Variants in USP4 observed in about 807,000 individuals in gnomAD.
The protein encoded by USP4 is ubiquitin specific peptidase 4.
A neutral mutation model predicts 118.2 loss-of-function variants in USP4; 72 were observed. That is an observed-to-expected ratio of 0.61 (90% CI 0.50 to 0.74). USP4 has a LOEUF of 0.74. Among genes scored for constraint, USP4 ranks in the 30% least tolerant of loss-of-function variants. The pLI is 0.00. For synonymous variants in USP4, 415 were observed against 440.4 expected (o/e 0.94, Z 0.72); for missense variants, 1,037 against 1,185.7 (o/e 0.87, Z 1.84).
rs1282341284 is a variant in USP4 at position 49,317,589 on chromosome 3, T to C, written c.696-5935A>G. 7 of 597,758 alleles carry C rather than the reference T, an allele frequency of 1.2e-5. No individual in the cohort carries two copies. In the East Asian group the frequency reaches 2.0e-4, roughly 17 times the overall value. 37.0% of individuals were successfully genotyped at this position (597,758 alleles called of 1,614,324 possible). A position where few individuals can be genotyped will look rare whatever the true frequency, so the allele number is the denominator to read the frequency against. ...AACAGTCTTACTCTGTTGCCCAGCCTGGAGTGCAGTGGCGTGATATCGGCT... is the reference window on the plus strand; with the variant it reads ...AACAGTCTTACTCTGTTGCCCAGCCCGGAGTGCAGTGGCGTGATATCGGCT... On this transcript the variant is annotated intron_variant, in intron 6 of 21. Coordinates refer to ENST00000265560, the MANE Select transcript of USP4 (RefSeq NM_003363.4).
chr3:49,319,443 G>A lies in USP4; in HGVS notation c.695+5259C>T, dbSNP rs182303491. Among the ~76,000 whole-genome samples the A allele has an allele frequency of 2.7e-3, 415 of 151,974 alleles. 3 individuals are homozygous for A. The highest frequency in any genetic ancestry group is 9.3e-3 in the African/African-American group (385 of 41,470). ...TTTTTGTATTTTTAGTAGAGACGGGGTTTCACCATATTGGCCCAGGATGGT... is the reference window on the plus strand; with the variant it reads ...TTTTTGTATTTTTAGTAGAGACGGGATTTCACCATATTGGCCCAGGATGGT... On this transcript the variant is annotated intron_variant, in intron 6 of 21. Transcript: ENST00000265560.
At chr3:49,333,796 G>C (rs2047643085) in intron 2 of USP4, among the ~76,000 whole-genome samples, 1 of 152,232 alleles carries the variant, frequency 6.6e-6, no homozygotes, top group South Asian at 2.1e-4. Context: ...CCAGCACTTT[G>C]GGAGGCTGAG....
At chr3:49,302,764 G>C (rs2047274597) in intron 9 of USP4, among the ~76,000 whole-genome samples, 1 of 152,112 alleles carries the variant, frequency 6.6e-6, no homozygotes, top group Non-Finnish European at 1.5e-5. Context: ...CCTGGAACCT[G>C]GGCCACTGCC....
chr3:49,283,243 A>T (rs113555041), intron 19 of USP4, among the ~76,000 whole-genome samples: 6,192 of 151,632 alleles, frequency 0.041, 414 homozygotes, highest in African/African-American at 0.14. Flanking sequence ...CTCGATCTCC[A>T]GACCTTGTGA....
chr3:49,316,896 C>T, intron 6 of USP4: 1 of 604,644 alleles, frequency 1.7e-6, no homozygotes, highest in Non-Finnish European at 2.9e-6. Context: ...TGTGTGAGCA[C>T]AAAGCCAGGA....
Position 49,278,381 on chromosome 3 carries a change from C to T in USP4, c.2804G>A (p.Ser935Asn), listed in dbSNP as rs1021997223. 1 of 1,614,022 alleles carries T rather than the reference C, an allele frequency of 6.2e-7. No individual in the cohort carries two copies. Among genetic ancestry groups the T allele is most frequent in the African/African-American group, 1.3e-5 (1 of 74,902 alleles). The change falls in exon 22 of 22, where the codon AGT (serine) becomes AAT (asparagine). Residue 935 changes from serine (S) to asparagine (N), a missense_variant. Transcript: ENST00000265560. ...TGTCCCTCCATCAGAGGAACCAGAACTGCTAAGTGAAGGTGTCTTATAAAA... is the reference window on the plus strand; with the variant it reads ...TGTCCCTCCATCAGAGGAACCAGAATTGCTAAGTGAAGGTGTCTTATAAAA... ...DEFYKTPSLSSSGSSDGGTRP... is the reference protein window; with the variant it reads ...DEFYKTPSLSNSGSSDGGTRP...
At chr3:49,330,420 C>A (rs910954369) in intron 2 of USP4, among the ~76,000 whole-genome samples, 1 of 151,580 alleles carries the variant, frequency 6.6e-6, no homozygotes, top group African/African-American at 2.4e-5. Flanking sequence ...CTCCACCTCT[C>A]GGGTTCATGC....
intron 1 of USP4, among the ~76,000 whole-genome samples, chr3:49,339,475 T>C (rs1001192468): frequency 2.6e-5 from 4 of 152,222 alleles, no homozygotes; most frequent in African/African-American, 9.6e-5. Flanking sequence ...TTGACATCTG[T>C]TGGCAGTTTA....
intron 6 of USP4, among the ~76,000 whole-genome samples, chr3:49,323,084 C>T (rs1248934452): frequency 1.3e-5 from 2 of 151,326 alleles, no homozygotes; most frequent in African/African-American, 4.8e-5. Context: ...TCTCCTGCCT[C>T]AGCCTCCCAA....
At chr3:49,318,331 C>T (rs910321385) in intron 6 of USP4, 3 of 985,528 alleles carry the variant, frequency 3.0e-6, no homozygotes, top group Non-Finnish European at 3.6e-6. Context: ...TGTGACTCCA[C>T]ACCAACACTG....
chr3:49,337,460 G>C (rs933658204), intron 1 of USP4, among the ~76,000 whole-genome samples: 1 of 152,004 alleles, frequency 6.6e-6, no homozygotes, highest in Admixed American at 6.6e-5. Context: ...TTTCCTTAGA[G>C]AGAGGGTCAC....
intron 2 of USP4, among the ~76,000 whole-genome samples, chr3:49,328,816 C>A (rs1380561590): frequency 6.6e-6 from 1 of 151,670 alleles, no homozygotes. Flanking sequence ...GCCGAGATAC[C>A]CCACTGTACT....
intron 6 of USP4, chr3:49,312,575 G>A (rs1239262892): frequency 1.6e-5 from 7 of 440,918 alleles, no homozygotes; most frequent in Non-Finnish European, 2.3e-5. Flanking sequence ...AGCCAAGATC[G>A]CGCCATTGCA....
chr3:49,310,216 C>T (rs1026257304), intron 8 of USP4, among the ~76,000 whole-genome samples: 1 of 152,014 alleles, frequency 6.6e-6, no homozygotes, highest in East Asian at 1.9e-4. Flanking sequence ...TGAGCCACTG[C>T]GCCCGGCTGG....
At chr3:49,285,153 CTG>C (rs1362255178) in intron 16 of USP4, among the ~76,000 whole-genome samples, 1 of 152,136 alleles carries the variant, frequency 6.6e-6, no homozygotes, top group East Asian at 1.9e-4. Context: ...AAGGAACTAA[CTG>C]TGGAGAATTC....
chr3:49,335,493 T>C lies in USP4; in HGVS notation c.205A>G (p.Ile69Val), dbSNP rs199951342. Residue 69 changes from isoleucine (I) to valine (V), a missense_variant, in exon 2 of 22, where the codon ATA (isoleucine) becomes GTA (valine). Ile to Val is a conservative substitution (Grantham distance 29). Coordinates refer to ENST00000265560, the MANE Select transcript of USP4 (RefSeq NM_003363.4). ...CCTGAAAATAGCCCAGAGTTGTCTA[T>C]TGGGCCAGGAAATAGGTTATGTTCA... The part of the protein sequence containing the change: ...VGEHNLFPGP[I>V]DNSGLFSDPE... The C allele has an allele frequency of 1.9e-6, 3 of 1,614,242 alleles. No homozygotes were observed. Among genetic ancestry groups the C allele is most frequent in the East Asian group, 2.2e-5 (1 of 44,886 alleles).
At chr3:49,335,888 G>C (rs2047664361) in intron 1 of USP4, among the ~76,000 whole-genome samples, 1 of 152,106 alleles carries the variant, frequency 6.6e-6, no homozygotes, top group Admixed American at 6.6e-5. Flanking sequence ...CTTTTAGACG[G>C]AGTCTTGTTC....
rs1426881513 is a variant in USP4, at chr3:49,294,324, AGCCACTT to A, written c.1883+76_1883+82del. 178 of 1,430,094 alleles carry A rather than the reference AGCCACTT, an allele frequency of 1.2e-4. 1 individual carries two copies. Among genetic ancestry groups the A allele is most frequent in the South Asian group, 1.2e-3 (93 of 76,684 alleles). The allele number at this position is 1,430,094 out of a possible 1,614,324, so 88.6% of individuals were successfully genotyped here. Reference sequence around the variant, plus strand: ...AGAGGTGAGCATGTAGGATCAACACAGCCACTTGGCAGGAGTTGCCACTACTATTACT... The same window carrying A: ...AGAGGTGAGCATGTAGGATCAACACAGGCAGGAGTTGCCACTACTATTACT... On this transcript the variant is annotated intron_variant, in intron 14 of 21. Coordinates refer to ENST00000265560, the MANE Select transcript of USP4 (RefSeq NM_003363.4).
At chr3:49,307,728 A>G (rs909368489) in intron 8 of USP4, among the ~76,000 whole-genome samples, 1 of 152,062 alleles carries the variant, frequency 6.6e-6, no homozygotes, top group Non-Finnish European at 1.5e-5. Flanking sequence ...AAGACTGCTT[A>G]AGGCCAGGAG....
Sources: gnomAD v4.1 joint callset for allele counts (sites outside exome capture counted in the v4.1 genomes callset) on GRCh38, gnomAD v4.1.1 for gene constraint, MANE v1.5 for transcripts, NCBI Gene and HGNC (gene_info 2026-07-23, HGNC 2026-07-21) for gene names.